The following SLC24A3 variants were observed in gnomAD, a reference collection of about 807,000 sequenced individuals.
The protein encoded by SLC24A3 is solute carrier family 24 member 3, also known as sodium/potassium/calcium exchanger 3.
SLC24A3 carries 28 observed loss-of-function variants against 75.8 expected under a neutral mutation model. That is an observed-to-expected ratio of 0.37 (90% CI 0.27 to 0.51). The LOEUF (loss-of-function observed/expected upper bound fraction) is 0.51. Ranked by LOEUF, SLC24A3 falls within the 20% of genes least tolerant of loss-of-function variation. The pLI, the probability that SLC24A3 is intolerant of heterozygous loss-of-function variation, is 0.94. For synonymous variants in SLC24A3, 372 were observed against 334.1 expected, an observed-to-expected ratio of 1.11 and a Z score of -1.24; for missense variants, 663 against 847.8, an observed-to-expected ratio of 0.78 and a Z score of 2.71.
At chr20:19,475,807 C>A (rs1358350851) in intron 2 of SLC24A3, among the ~76,000 whole-genome samples, 2 of 152,080 alleles carry the variant, frequency 1.3e-5, no homozygotes, top group African/African-American at 2.4e-5. Flanking sequence ...TACCTAAAGA[C>A]CTGAAAATAT....
chr20:19,693,055 T>C (rs1415383227), intron 12 of SLC24A3, among the ~76,000 whole-genome samples: 1 of 150,380 alleles, frequency 6.6e-6, no homozygotes, highest in African/African-American at 2.4e-5. Flanking sequence ...CAGTGGGTAA[T>C]TTTTTTTTTA....
intron 3 of SLC24A3, among the ~76,000 whole-genome samples, chr20:19,537,177 C>A (rs1340294258): frequency 2.0e-5 from 3 of 152,004 alleles, no homozygotes; most frequent in African/African-American, 7.3e-5. Flanking sequence ...AACAAATTTA[C>A]AAGAAAAAAA....
At chr20:19,583,756 CTT>C (rs1470119002) in intron 4 of SLC24A3, among the ~76,000 whole-genome samples, 1 of 152,216 alleles carries the variant, frequency 6.6e-6, no homozygotes, top group African/African-American at 2.4e-5. Flanking sequence ...CTCACAGACT[CTT>C]AGCTCCATGG....
chr20:19,537,799 G>A (rs1439394433), intron 3 of SLC24A3, among the ~76,000 whole-genome samples: 5 of 150,516 alleles, frequency 3.3e-5, no homozygotes, highest in South Asian at 2.1e-4. Flanking sequence ...AACACTGCAT[G>A]TTCTCACTCA....
chr20:19,687,224 T>A (rs2032686976), intron 12 of SLC24A3, among the ~76,000 whole-genome samples: 1 of 152,190 alleles, frequency 6.6e-6, no homozygotes, highest in South Asian at 2.1e-4. Flanking sequence ...AGGTCCTTGA[T>A]GGCTGTCAGC....
chr20:19,693,698 G>A, intron 13 of SLC24A3: 1 of 362,116 alleles, frequency 2.8e-6, no homozygotes, highest in Non-Finnish European at 5.0e-6. Flanking sequence ...GATTCAGGCA[G>A]CAGGTGGGGT....
chr20:19,344,989 T>C (rs1220739046), intron 2 of SLC24A3, among the ~76,000 whole-genome samples: 4 of 152,192 alleles, frequency 2.6e-5, no homozygotes, highest in African/African-American at 9.7e-5. Context: ...GACAATGTAG[T>C]GAGACCAGAA....
intron 6 of SLC24A3, among the ~76,000 whole-genome samples, chr20:19,643,115 A>T (rs2032095147): frequency 6.6e-6 from 1 of 152,194 alleles, no homozygotes. Flanking sequence ...CCTTGAGTAT[A>T]AAAATATCAC....
intron 2 of SLC24A3, among the ~76,000 whole-genome samples, chr20:19,296,280 T>C (rs977001228): frequency 6.7e-6 from 1 of 149,550 alleles, no homozygotes; most frequent in Non-Finnish European, 1.5e-5. Flanking sequence ...TTTTTTTTTT[T>C]TTTTTTCAAA....
chr20:19,499,089 C>A (rs902258446), intron 2 of SLC24A3, among the ~76,000 whole-genome samples: 4 of 152,172 alleles, frequency 2.6e-5, no homozygotes, highest in African/African-American at 9.7e-5. Context: ...ATTTCCAGGT[C>A]CAGCCACCAT....
Position 19,417,645 on chromosome 20 carries a change from T to G in SLC24A3, c.272-97843T>G, listed in dbSNP as rs74659682. 5.0e-4 allele frequency among the ~76,000 whole-genome samples: 76 copies of G among 152,300 alleles called. No individual in the cohort carries two copies. In the East Asian group the frequency reaches 0.013, roughly 26 times the overall value. On this transcript the variant is annotated intron_variant, in intron 2 of 16. Transcript: ENST00000328041. ...GCTGAAAACAGAAGAATAAGTTGTTTATTAGGAACAATTACGTAAACTTCT... is the reference window on the plus strand; with the variant it reads ...GCTGAAAACAGAAGAATAAGTTGTTGATTAGGAACAATTACGTAAACTTCT...
intron 2 of SLC24A3, among the ~76,000 whole-genome samples, chr20:19,372,539 G>T (rs1568602180): frequency 6.6e-6 from 1 of 152,206 alleles, no homozygotes. Flanking sequence ...CTGGGAGCAG[G>T]CTCAGTGTGT....
intron 15 of SLC24A3, among the ~76,000 whole-genome samples, chr20:19,701,357 T>TATTA (rs1555808066): frequency 4.6e-5 from 7 of 150,982 alleles, no homozygotes; most frequent in Middle Eastern, 3.5e-3. Context: ...ATATTTTTAT[T>TATTA]AAAAAAAAAC....
At chr20:19,356,877 T>TAATAATAATAA (rs1985696637) in intron 2 of SLC24A3, among the ~76,000 whole-genome samples, 1 of 151,860 alleles carries the variant, frequency 6.6e-6, no homozygotes, top group African/African-American at 2.4e-5. Flanking sequence ...ATAATAATAA[T>TAATAATAATAA]TCCTGCAGTC....
intron 6 of SLC24A3, among the ~76,000 whole-genome samples, chr20:19,619,171 T>C (rs559358588): frequency 6.6e-6 from 1 of 152,280 alleles, no homozygotes; most frequent in South Asian, 2.1e-4. Flanking sequence ...ACAGCAAATA[T>C]GAGACATAAG....
chr20:19,466,780 C>T (rs73903107), intron 2 of SLC24A3, among the ~76,000 whole-genome samples: 3,677 of 151,916 alleles, frequency 0.024, 144 homozygotes, highest in African/African-American at 0.085. Flanking sequence ...TCTCGTCTTT[C>T]GAATGTACAG....
intron 2 of SLC24A3, among the ~76,000 whole-genome samples, chr20:19,292,644 G>A (rs1165222810): frequency 6.6e-6 from 1 of 152,146 alleles, no homozygotes; most frequent in African/African-American, 2.4e-5. Context: ...GTGTAGAATG[G>A]ATAGCAGTGG....
intron 1 of SLC24A3, among the ~76,000 whole-genome samples, chr20:19,261,371 C>G (rs781697344): frequency 3.9e-5 from 6 of 152,200 alleles, no homozygotes; most frequent in Non-Finnish European, 7.3e-5. Context: ...CAAGGTCTCA[C>G]TCTCTTCCAG....
intron 6 of SLC24A3, among the ~76,000 whole-genome samples, chr20:19,621,882 G>T (rs920704198): frequency 3.3e-5 from 5 of 152,166 alleles, no homozygotes; most frequent in Admixed American, 2.6e-4. Flanking sequence ...ATTACTAGGA[G>T]GCATTAAAGC....
Sources: allele counts gnomAD v4.1 joint callset (sites outside exome capture counted in the v4.1 genomes callset), GRCh38; gene constraint gnomAD v4.1.1; transcripts MANE v1.5; gene names NCBI Gene and HGNC (gene_info 2026-07-23, HGNC 2026-07-21).